TBC1D14: variants seen among roughly 807,000 people sequenced by gnomAD.
The protein encoded by TBC1D14 is TBC1 domain family, member 14.
TBC1D14 carries 26 observed loss-of-function variants against 79.0 expected under a neutral mutation model. The ratio of observed to expected loss-of-function variants is 0.33; its 90% CI spans 0.24 to 0.46. The LOEUF (loss-of-function observed/expected upper bound fraction) is 0.46. Among genes scored for constraint, TBC1D14 ranks in the 20% least tolerant of loss-of-function variants. TBC1D14 has a pLI of 1.00. For synonymous variants in TBC1D14, 394 were observed against 349.9 expected (o/e 1.13, Z -1.40); for missense variants, 769 against 887.6 (o/e 0.87, Z 1.70).
intron 11 of TBC1D14, 105 bp downstream of exon 11, chr4:7,010,886 G>A: frequency 7.4e-7 from 1 of 1,352,768 alleles, no homozygotes; most frequent in Non-Finnish European, 1.0e-6. Context: ...TTTTCTCTCT[G>A]TGAAGAGATG....
chr4:6,919,666 C>G lies in TBC1D14; in HGVS notation c.-17-3707C>G, dbSNP rs541396755. ...GATGGAGTCTCCCTCTGTCACCCAG[C>G]CTGGAGTGCAGTGGTGCTATCTCGG... On this transcript the variant is annotated intron_variant, in intron 1 of 13. Coordinates refer to ENST00000409757, the MANE Select transcript of TBC1D14 (RefSeq NM_020773.3). Among the ~76,000 whole-genome samples, 11 of 151,650 alleles carry G rather than the reference C, an allele frequency of 7.3e-5. No individual in the cohort carries two copies. In the East Asian group the frequency reaches 1.6e-3, roughly 21 times the overall value.
intron 5 of TBC1D14, among the ~76,000 whole-genome samples, chr4:6,998,144 G>A (rs1719259040): frequency 6.6e-6 from 1 of 152,166 alleles, no homozygotes; most frequent in South Asian, 2.1e-4. Context: ...GCCAAGGCGG[G>A]TGGTCAGGAG....
chr4:6,989,144 C>T (rs781456219), intron 3 of TBC1D14, among the ~76,000 whole-genome samples: 15 of 152,046 alleles, frequency 9.9e-5, no homozygotes, highest in Non-Finnish European at 1.5e-4. Flanking sequence ...AACCAACAAA[C>T]GTTAAACCTA....
At chr4:6,987,178 G>T (rs879472928) in intron 3 of TBC1D14, 6 of 1,211,038 alleles carry the variant, frequency 5.0e-6, no homozygotes, top group African/African-American at 4.8e-5. Flanking sequence ...GGATCGCCTC[G>T]CTGTGTCTGC....
At chr4:6,954,240 G>C in intron 2 of TBC1D14, 1 of 715,886 alleles carries the variant, frequency 1.4e-6, no homozygotes, top group Non-Finnish European at 2.6e-6. Context: ...CCAGGAATGC[G>C]GCACGGGGAG....
chr4:6,978,294 A>G (rs1717006719), intron 3 of TBC1D14, among the ~76,000 whole-genome samples: 1 of 150,880 alleles, frequency 6.6e-6, no homozygotes. Context: ...TTTGTGGAAT[A>G]GAAAGGGGGG....
chr4:7,014,375 C>A, intron 11 of TBC1D14, 73 bp from the exon 12 acceptor site: 1 of 919,370 alleles, frequency 1.1e-6, no homozygotes, highest in Non-Finnish European at 1.7e-6. Flanking sequence ...TAAAGATATA[C>A]ATATATTGAC....
At chr4:6,910,292 G>A (rs934870801) in intron 1 of TBC1D14, 1 of 152,302 alleles carries the variant, frequency 6.6e-6, no homozygotes, top group Admixed American at 6.5e-5. Context: ...CCTGAGAAGA[G>A]GCGCCTCGGT....
intron 7 of TBC1D14, among the ~76,000 whole-genome samples, chr4:7,002,433 C>T (rs1163771576): frequency 6.6e-6 from 1 of 152,114 alleles, no homozygotes; most frequent in East Asian, 1.9e-4. Flanking sequence ...CTCACTGATG[C>T]CTGGGTGGAT....
intron 4 of TBC1D14, chr4:6,995,512 CCTTT>C (rs1241653733): frequency 2.0e-5 from 3 of 146,702 alleles, no homozygotes; most frequent in Non-Finnish European, 3.0e-5. Flanking sequence ...ATTCATTTTT[CCTTT>C]CTTTTTTTTT....
At chr4:7,019,443 G>T (rs12650200) in intron 12 of TBC1D14, among the ~76,000 whole-genome samples, 68,168 of 151,948 alleles carry the variant, frequency 0.45, 15,578 homozygotes, top group East Asian at 0.6. Context: ...TGCCCCACGA[G>T]TGCCTTAGGA....
chr4:7,012,776 C>T (rs1447041208), intron 11 of TBC1D14, among the ~76,000 whole-genome samples: 1 of 152,144 alleles, frequency 6.6e-6, no homozygotes, highest in Non-Finnish European at 1.5e-5. Context: ...CCTAAGTTAT[C>T]TACAGTGAGT....
chr4:6,997,861 G>C (rs1031987484), intron 5 of TBC1D14, among the ~76,000 whole-genome samples: 1 of 152,124 alleles, frequency 6.6e-6, no homozygotes, highest in South Asian at 2.1e-4. Context: ...CTAGGGGTTG[G>C]GGAGACGGGG....
rs1311314003 is a variant in TBC1D14, at chr4:6,951,749, C to G, written c.723-15555C>G. Reference sequence around the variant, plus strand: ...GTGGAGGAGAGGGCTAGTGAAAGGTCTGTTCTGTGAGTGTATTTCTTCCTT... The same window carrying G: ...GTGGAGGAGAGGGCTAGTGAAAGGTGTGTTCTGTGAGTGTATTTCTTCCTT... On this transcript the variant is annotated intron_variant, in intron 2 of 13. Transcript: ENST00000409757. Among the ~76,000 whole-genome samples the G allele has an allele frequency of 2.6e-5, 4 of 152,208 alleles. No individual in the cohort carries two copies. The East Asian group carries it at 7.7e-4, about 29-fold the overall frequency.
chr4:7,018,974 G>A (rs1465693083), intron 12 of TBC1D14, among the ~76,000 whole-genome samples: 1 of 152,156 alleles, frequency 6.6e-6, no homozygotes, highest in East Asian at 1.9e-4. Flanking sequence ...CTGAAATTAT[G>A]TTTAATGATC....
At chr4:6,925,970 C>T (rs534304721) in intron 2 of TBC1D14, among the ~76,000 whole-genome samples, 4 of 152,280 alleles carry the variant, frequency 2.6e-5, no homozygotes, top group South Asian at 2.1e-4. Flanking sequence ...TGGGTTTGGC[C>T]GGGAAACAGC....
intron 2 of TBC1D14, among the ~76,000 whole-genome samples, chr4:6,945,843 C>T (rs4689059): frequency 0.75 from 112,553 of 150,032 alleles, 43,067 homozygotes; most frequent in East Asian, 0.97. Context: ...TATTAAGGAG[C>T]GAAGTTCTCA....
chr4:7,021,274 A>G (rs899792722), intron 12 of TBC1D14, among the ~76,000 whole-genome samples: 7 of 152,226 alleles, frequency 4.6e-5, no homozygotes, highest in African/African-American at 1.7e-4. Context: ...CTAAGCTGAG[A>G]GACACGTCAT....
At chr4:6,944,703 C>G (rs1201596830) in intron 2 of TBC1D14, among the ~76,000 whole-genome samples, 1 of 152,202 alleles carries the variant, frequency 6.6e-6, no homozygotes, top group Non-Finnish European at 1.5e-5. Context: ...CTCCCCGGGT[C>G]CTCTGGTTTA....
Sources: gnomAD v4.1 joint callset for allele counts (sites outside exome capture counted in the v4.1 genomes callset) on GRCh38, gnomAD v4.1.1 for gene constraint, MANE v1.5 for transcripts, NCBI Gene and HGNC (gene_info 2026-07-23, HGNC 2026-07-21) for gene names.